The following ADGRL2 variants were observed in gnomAD, a reference collection of about 807,000 sequenced individuals.
ADGRL2 encodes the protein calcium-independent alpha-latrotoxin receptor 2.
Under a neutral mutation model 157.4 loss-of-function variants are expected in ADGRL2, and 44 were observed. The observed-to-expected ratio is 0.28, with a 90% confidence interval of 0.22 to 0.36. The LOEUF (loss-of-function observed/expected upper bound fraction) is 0.36. ADGRL2 is among the 10% of genes least tolerant of loss of function. The pLI, the probability that ADGRL2 is intolerant of heterozygous loss-of-function variation, is 1.00. For missense variants in ADGRL2, 1,510 were observed against 1,768.9 expected, an observed-to-expected ratio of 0.85 and a Z score of 2.63; for synonymous variants, 585 against 624.7, an observed-to-expected ratio of 0.94 and a Z score of 0.95.
intron 2 of ADGRL2, among the ~76,000 whole-genome samples, chr1:81,782,262 C>T (rs1376106898): frequency 6.6e-6 from 1 of 152,136 alleles, no homozygotes. Flanking sequence ...TCATCCCCTA[C>T]CCTGTTTCCT....
intron 3 of ADGRL2, among the ~76,000 whole-genome samples, chr1:81,598,078 A>G (rs1165135701): frequency 2.6e-5 from 4 of 152,124 alleles, no homozygotes; most frequent in Admixed American, 2.6e-4. Context: ...TCTGGTTTGC[A>G]TTTTTTGGTA....
intron 1 of ADGRL2, among the ~76,000 whole-genome samples, chr1:81,373,874 G>A (rs2076201913): frequency 6.6e-6 from 1 of 152,152 alleles, no homozygotes; most frequent in Non-Finnish European, 1.5e-5. Flanking sequence ...TCTGAATCTG[G>A]CAGTATCTGG....
In ADGRL2 at chr1:81,914,152, C is replaced by G. The variant is rs185934328; in HGVS notation, c.287+6922C>G. Among the ~76,000 whole-genome samples, 57 of 152,208 alleles carry G rather than the reference C, an allele frequency of 3.7e-4. 1 individual carries two copies. The highest frequency in any genetic ancestry group is 1.3e-3 in the African/African-American group (56 of 41,568). ...TTATAGATTTCGGCTTGTGTATACT[C>G]TCGTTGACGTACAGTCCTCTCAACT... On this transcript the variant is annotated intron_variant, in intron 3 of 23. Transcript: ENST00000686636.
intron 1 of ADGRL2, among the ~76,000 whole-genome samples, chr1:81,761,208 A>G (rs991305059): frequency 1.3e-5 from 2 of 151,870 alleles, no homozygotes; most frequent in African/African-American, 2.4e-5. Flanking sequence ...ATCTTAACAC[A>G]TCATAATGTT....
At chr1:81,802,257 C>T (rs139366379) in intron 1 of ADGRL2, among the ~76,000 whole-genome samples, 5,224 of 152,184 alleles carry the variant, frequency 0.034, 200 homozygotes, top group Admixed American at 0.12. Context: ...GAACAATGTG[C>T]CTCTGTGCCC....
intron 1 of ADGRL2, among the ~76,000 whole-genome samples, chr1:81,761,603 T>C (rs963235198): frequency 6.6e-6 from 1 of 152,036 alleles, no homozygotes; most frequent in African/African-American, 2.4e-5. Context: ...TTCCTGTATT[T>C]GAAAGTACTT....
chr1:81,787,159 C>T (rs1262636309), intron 2 of ADGRL2, among the ~76,000 whole-genome samples: 1 of 152,158 alleles, frequency 6.6e-6, no homozygotes, highest in African/African-American at 2.4e-5. Flanking sequence ...CCATGTGGAA[C>T]TGTAAGTCCA....
intron 2 of ADGRL2, among the ~76,000 whole-genome samples, chr1:81,510,503 T>G (rs1324480024): frequency 6.6e-6 from 1 of 152,160 alleles, no homozygotes; most frequent in Non-Finnish European, 1.5e-5. Context: ...ATACATATGG[T>G]ACTCATTTTC....
At position 81,572,099 on chromosome 1, in the gene ADGRL2, G is replaced by A. The variant is rs114736449; in HGVS notation, c.-247-8777G>A. ...ATGAACATTGACTTCAAATAGACTG[G>A]CTAACAGGAGCAATGAAGCATCAGA... On this transcript the variant is annotated intron_variant, in intron 2 of 24. Coordinates refer to the ADGRL2 transcript ENST00000370721. 6.1e-3 allele frequency among the ~76,000 whole-genome samples: 925 copies of A among 152,302 alleles called. 6 individuals are homozygous for A. The highest frequency in any genetic ancestry group is 8.2e-3 in the Non-Finnish European group (559 of 68,018).
intron 2 of ADGRL2, among the ~76,000 whole-genome samples, chr1:81,548,848 C>T (rs1409272420): frequency 6.6e-6 from 1 of 152,080 alleles, no homozygotes. Flanking sequence ...AAGATAAACT[C>T]CAGGCTGATG....
At chr1:81,545,951 C>T (rs569213218) in intron 2 of ADGRL2, among the ~76,000 whole-genome samples, 1 of 152,284 alleles carries the variant, frequency 6.6e-6, no homozygotes, top group Non-Finnish European at 1.5e-5. Context: ...GTCAGTGAGC[C>T]CGTGCTCTCT....
intron 13 of ADGRL2, among the ~76,000 whole-genome samples, chr1:81,967,102 T>TA (rs1387767294): frequency 3.9e-5 from 6 of 152,292 alleles, no homozygotes; most frequent in African/African-American, 1.2e-4. Flanking sequence ...AGTTGATACT[T>TA]ACGTAACTAC....
At chr1:81,980,176 C>T (rs903237854) in intron 18 of ADGRL2, among the ~76,000 whole-genome samples, 2 of 151,640 alleles carry the variant, frequency 1.3e-5, no homozygotes, top group African/African-American at 2.4e-5. Flanking sequence ...TAAATTGTTT[C>T]AGTGGCTTTG....
At chr1:81,455,266 A>C (rs1213867643) in intron 2 of ADGRL2, among the ~76,000 whole-genome samples, 1 of 152,216 alleles carries the variant, frequency 6.6e-6, no homozygotes, top group African/African-American at 2.4e-5. Context: ...CCTTATTCTC[A>C]GAAGCCTGTG....
chr1:81,371,725 T>A (rs574171118), intron 1 of ADGRL2, among the ~76,000 whole-genome samples: 7 of 152,212 alleles, frequency 4.6e-5, no homozygotes, highest in Non-Finnish European at 8.8e-5. Flanking sequence ...AAGTATGCCA[T>A]GTTTTTGAAC....
chr1:81,813,521 C>T (rs751470273), intron 1 of ADGRL2, among the ~76,000 whole-genome samples: 58 of 151,466 alleles, frequency 3.8e-4, no homozygotes, highest in African/African-American at 1.7e-4. Flanking sequence ...ATTCTCTCAG[C>T]GTGGCCCCGT....
chr1:81,460,881 T>C (rs1330753068), intron 2 of ADGRL2, among the ~76,000 whole-genome samples: 2 of 152,226 alleles, frequency 1.3e-5, no homozygotes, highest in African/African-American at 4.8e-5. Flanking sequence ...TCTTTCAGGA[T>C]CATCTATCTT....
chr1:81,888,508 C>CG (rs1327803895), intron 2 of ADGRL2, among the ~76,000 whole-genome samples: 18 of 152,202 alleles, frequency 1.2e-4, no homozygotes, highest in Admixed American at 9.2e-4. Context: ...GGTGCAATCT[C>CG]GCTCACTGCA....
rs554488426 is a variant in ADGRL2, at chr1:81,867,219, A to G, written c.73+30162A>G. On this transcript the variant is annotated intron_variant, in intron 2 of 23. Coordinates refer to ENST00000686636, the MANE Select transcript of ADGRL2 (RefSeq NM_001366006.2). ...TTATGATTAGTGTTTGATTACTAAA[A>G]TCTTAATGTTTTGAAATGTCTACTT... Among the ~76,000 whole-genome samples the G allele has an allele frequency of 4.6e-5, 7 of 152,306 alleles. No homozygotes were observed. In the East Asian group the frequency reaches 1.4e-3, roughly 29 times the overall value.
Sources: gnomAD v4.1 joint callset for allele counts (sites outside exome capture counted in the v4.1 genomes callset) on GRCh38, gnomAD v4.1.1 for gene constraint, MANE v1.5 for transcripts, NCBI Gene and HGNC (gene_info 2026-07-23, HGNC 2026-07-21) for gene names.